Variants in EPHB1 observed in about 807,000 individuals in gnomAD.
The protein encoded by EPHB1 is ephrin type-B receptor 1.
EPHB1 carries 30 observed loss-of-function variants against 94.4 expected under a neutral mutation model. That is an observed-to-expected ratio of 0.32 (90% CI 0.24 to 0.43). The LOEUF is 0.43. EPHB1 is among the 20% of genes least tolerant of loss of function. The pLI is 1.00. For synonymous variants in EPHB1, 522 were observed against 489.1 expected (o/e 1.07, Z -0.89); for missense variants, 1,055 against 1,308.3 (o/e 0.81, Z 2.99).
At chr3:135,207,620 T>G (rs1344766736) in intron 12 of EPHB1, among the ~76,000 whole-genome samples, 1 of 152,148 alleles carries the variant, frequency 6.6e-6, no homozygotes, top group Non-Finnish European at 1.5e-5. Flanking sequence ...TGCCTAACTG[T>G]GTCTAGGAGG....
At chr3:134,917,196 C>G (rs990356524) in intron 1 of EPHB1, among the ~76,000 whole-genome samples, 2 of 152,128 alleles carry the variant, frequency 1.3e-5, no homozygotes, top group Non-Finnish European at 2.9e-5. Flanking sequence ...CAGATACCAC[C>G]CTAAGAACTA....
At chr3:135,085,799 T>G (rs1938341087) in intron 3 of EPHB1, among the ~76,000 whole-genome samples, 1 of 152,236 alleles carries the variant, frequency 6.6e-6, no homozygotes, top group South Asian at 2.1e-4. Context: ...CACCTCCTTC[T>G]GTCTCAGACT....
At chr3:135,145,352 C>T (rs981327289) in intron 5 of EPHB1, among the ~76,000 whole-genome samples, 4 of 152,148 alleles carry the variant, frequency 2.6e-5, no homozygotes, top group Admixed American at 2.0e-4. Flanking sequence ...AAAAGATGGC[C>T]AGCCAGCCCA....
intron 1 of EPHB1, among the ~76,000 whole-genome samples, chr3:134,825,104 G>T (rs1473705218): frequency 6.6e-6 from 1 of 152,198 alleles, no homozygotes; most frequent in East Asian, 1.9e-4. Context: ...CCTTGAATTT[G>T]CTATGTAAGA....
intron 5 of EPHB1, among the ~76,000 whole-genome samples, chr3:135,143,628 T>C (rs1331246083): frequency 6.6e-6 from 1 of 152,096 alleles, no homozygotes; most frequent in Non-Finnish European, 1.5e-5. Flanking sequence ...TCTGCTCTTG[T>C]CCTACACCTG....
intron 3 of EPHB1, among the ~76,000 whole-genome samples, chr3:135,026,324 T>C (rs1936167749): frequency 7.4e-6 from 1 of 135,778 alleles, no homozygotes; most frequent in Admixed American, 7.7e-5. Flanking sequence ...CTAGGTTTTC[T>C]TCTAGGGTTT....
intron 1 of EPHB1, among the ~76,000 whole-genome samples, chr3:134,828,935 T>A (rs1188798472): frequency 6.6e-6 from 1 of 152,168 alleles, no homozygotes; most frequent in Admixed American, 6.5e-5. Context: ...TCTGAGTGGC[T>A]GAGACATGAG....
chr3:134,935,841 A>C (rs775077672), intron 2 of EPHB1, among the ~76,000 whole-genome samples: 1 of 152,162 alleles, frequency 6.6e-6, no homozygotes, highest in East Asian at 1.9e-4. Flanking sequence ...AATGATAACT[A>C]TTACACTAAT....
At chr3:135,153,814 T>G (rs150185123) in intron 5 of EPHB1, among the ~76,000 whole-genome samples, 9 of 152,336 alleles carry the variant, frequency 5.9e-5, no homozygotes, top group South Asian at 2.1e-4. Flanking sequence ...TCAAAAACAT[T>G]ACAGTGTTCC....
intron 3 of EPHB1, among the ~76,000 whole-genome samples, chr3:134,988,949 C>G (rs1029308315): frequency 1.3e-5 from 2 of 152,142 alleles, no homozygotes; most frequent in Admixed American, 1.3e-4. Context: ...CTCCTGTTCA[C>G]GTCTGCTCTG....
At chr3:135,177,924 C>T (rs1942030010) in intron 9 of EPHB1, among the ~76,000 whole-genome samples, 1 of 152,216 alleles carries the variant, frequency 6.6e-6, no homozygotes. Flanking sequence ...TCTTCCTACA[C>T]ACGCACATCC....
intron 1 of EPHB1, among the ~76,000 whole-genome samples, chr3:134,894,932 T>C (rs192052112): frequency 6.6e-6 from 1 of 152,222 alleles, no homozygotes; most frequent in Non-Finnish European, 1.5e-5. Context: ...GTGGCTGTTA[T>C]GCCAGAGCCT....
At chr3:135,183,379 C>T (rs1391761120) in intron 10 of EPHB1, among the ~76,000 whole-genome samples, 7 of 151,922 alleles carry the variant, frequency 4.6e-5, no homozygotes, top group African/African-American at 7.3e-5. Flanking sequence ...AGAAGAACTA[C>T]CCTGCACCAG....
chr3:135,128,005 C>A (rs184688706), intron 4 of EPHB1, among the ~76,000 whole-genome samples: 22 of 152,296 alleles, frequency 1.4e-4, no homozygotes, highest in Admixed American at 1.4e-3. Context: ...ATTTCCTTAG[C>A]CCTTTAAACA....
At chr3:135,246,244 C>T (rs1477530624) in intron 13 of EPHB1, among the ~76,000 whole-genome samples, 1 of 152,104 alleles carries the variant, frequency 6.6e-6, no homozygotes, top group Non-Finnish European at 1.5e-5. Flanking sequence ...CTAACCTGCC[C>T]TTATGCAACC....
chr3:134,882,832 T>TTTTCTTTCC (rs2037784887), intron 1 of EPHB1, among the ~76,000 whole-genome samples: 1 of 109,686 alleles, frequency 9.1e-6, no homozygotes, highest in Non-Finnish European at 2.0e-5. Flanking sequence ...CTTTTCTTTC[T>TTTTCTTTCC]TTCTTTCTTT....
At chr3:135,061,130 T>TA (rs955759057) in intron 3 of EPHB1, among the ~76,000 whole-genome samples, 5 of 151,954 alleles carry the variant, frequency 3.3e-5, no homozygotes, top group African/African-American at 1.2e-4. Flanking sequence ...GGATCTCATT[T>TA]AAAAAAAAAT....
chr3:134,973,072 G>C (rs1038589898), intron 3 of EPHB1, among the ~76,000 whole-genome samples: 5 of 152,214 alleles, frequency 3.3e-5, no homozygotes, highest in Admixed American at 6.5e-5. Flanking sequence ...ATTGGAGTCT[G>C]ATTCAGATCA....
chr3:135,141,145 CTTTTTT>C (rs59743607), intron 5 of EPHB1, among the ~76,000 whole-genome samples: 1 of 131,280 alleles, frequency 7.6e-6, no homozygotes, highest in South Asian at 2.6e-4. Flanking sequence ...CTTTCCTTTC[CTTTTTT>C]TTTTTTTTTT....
Sources: allele counts gnomAD v4.1 joint callset (sites outside exome capture counted in the v4.1 genomes callset), GRCh38; gene constraint gnomAD v4.1.1; transcripts MANE v1.5; gene names NCBI Gene and HGNC (gene_info 2026-07-23, HGNC 2026-07-21).